C6orf132: variants seen among roughly 807,000 people sequenced by gnomAD.
The protein encoded by C6orf132 is uncharacterized protein C6orf132.
A neutral mutation model predicts 65.3 loss-of-function variants in C6orf132; 43 were observed. The observed-to-expected ratio is 0.66, with a 90% CI of 0.52 to 0.85. The LOEUF (loss-of-function observed/expected upper bound fraction) is 0.85, where lower values mean the gene tolerates loss of function less well. Ranked by LOEUF, C6orf132 falls within the 40% of genes least tolerant of loss-of-function variation. The pLI is 0.00. For missense variants in C6orf132, 1,488 were observed against 1,548.8 expected (o/e 0.96, Z 0.66); for synonymous variants, 631 against 654.1 (o/e 0.96, Z 0.54).
At chr6:42,115,934 C>CTTTTTTTTTTTTTTTTTTTT (rs67542628) in intron 2 of C6orf132, among the ~76,000 whole-genome samples, 12 of 106,382 alleles carry the variant, frequency 1.1e-4, no homozygotes, top group African/African-American at 2.1e-4. Flanking sequence ...TTTTCTTTTT[C>CTTTTTTTTTTTTTTTTTTTT]TTTTTTTTTT....
At position 42,103,405 on chromosome 6, in the gene C6orf132, C is replaced by T; in HGVS notation, c.*356G>A. ...CCCCACCCCTTGCTTTCAGAACCTG[C>T]TCAGTAGGCCGTGCTTGTAAAACTG... On this transcript the variant is annotated 3_prime_UTR_variant, in exon 5 of 5. Transcript: ENST00000341865. 1 of 396,284 alleles carries T rather than the reference C, an allele frequency of 2.5e-6. No individual in the cohort carries two copies. Among genetic ancestry groups the T allele is most frequent in the Non-Finnish European group, 4.4e-6 (1 of 225,176 alleles). 24.5% of individuals were successfully genotyped at this position (396,284 alleles called of 1,614,324 possible). A position where few individuals can be genotyped will look rare whatever the true frequency, so the allele number is the denominator to read the frequency against.
At chr6:42,130,799 T>G (rs953861220) in intron 1 of C6orf132, among the ~76,000 whole-genome samples, 2 of 141,470 alleles carry the variant, frequency 1.4e-5, no homozygotes, top group Non-Finnish European at 3.1e-5. Flanking sequence ...TGAGATGGAG[T>G]CTTTTTTTTT....
chr6:42,134,489 G>A (rs1766907346), intron 1 of C6orf132, among the ~76,000 whole-genome samples: 1 of 152,130 alleles, frequency 6.6e-6, no homozygotes, highest in African/African-American at 2.4e-5. Flanking sequence ...AGATCAGCCT[G>A]GCGGCCGGGC....
intron 1 of C6orf132, among the ~76,000 whole-genome samples, chr6:42,132,705 G>A (rs1383613003): frequency 2.6e-5 from 4 of 150,986 alleles, no homozygotes; most frequent in African/African-American, 7.3e-5. Context: ...AAAATTAGCC[G>A]GATGTGGTGG....
intron 2 of C6orf132, among the ~76,000 whole-genome samples, chr6:42,128,173 C>G (rs1372224504): frequency 4.6e-5 from 7 of 151,588 alleles, no homozygotes; most frequent in African/African-American, 7.3e-5. Context: ...TGATCTGCCC[C>G]CTTGGCCTCC....
chr6:42,127,564 A>T (rs1766786099), intron 2 of C6orf132, among the ~76,000 whole-genome samples: 1 of 152,184 alleles, frequency 6.6e-6, no homozygotes. Flanking sequence ...GGGTGCCATG[A>T]AGTCTAACAG....
intron 1 of C6orf132, among the ~76,000 whole-genome samples, 173 bp from the exon 2 acceptor site, chr6:42,128,951 C>T (rs1471148578): frequency 2.0e-5 from 3 of 152,212 alleles, no homozygotes; most frequent in Non-Finnish European, 4.4e-5. Context: ...GAGATGTGCA[C>T]TAATGGGGCC....
At position 42,104,591 on chromosome 6, in the gene C6orf132, C is replaced by G. The variant is rs907884819; in HGVS notation, c.3321G>C (p.Ala1107=). 47 of 1,330,384 alleles carry G rather than the reference C, an allele frequency of 3.5e-5. No individual in the cohort carries two copies. Among genetic ancestry groups the G allele is most frequent in the Non-Finnish European group, 4.0e-5 (42 of 1,045,712 alleles). The allele number at this position is 1,330,384 out of a possible 1,614,324, so 82.4% of individuals were successfully genotyped here. A position where few individuals can be genotyped will look rare whatever the true frequency, so the allele number is the denominator to read the frequency against. Residue 1107 remains alanine, a synonymous_variant, in exon 4 of 5, where the codon GCG becomes GCC. Coordinates refer to ENST00000341865, the MANE Select transcript of C6orf132 (RefSeq NM_001164446.3). This position sits in a 1 kb window ranked among gnomAD's most constrained non-coding sequence, Gnocchi z 4.1. ...GGPEMRRVNS[A]GRAPPGGLHA... ...GCAGGCCTCCGGGGGGCGCGCGACC[C>G]GCCGAGTTCACGCGCCGCATCTCGG...
chr6:42,116,797 A>G (rs1223812187), intron 2 of C6orf132, among the ~76,000 whole-genome samples: 1 of 152,034 alleles, frequency 6.6e-6, no homozygotes, highest in East Asian at 1.9e-4. Context: ...AGCTGGGGGA[A>G]CCTGACCGAC....
At position 42,107,528 on chromosome 6, in the gene C6orf132, C is replaced by T; in HGVS notation, c.384G>A (p.Leu128=). 6.4e-7 allele frequency: 1 copy of T among 1,550,632 alleles called. No homozygotes were observed. The highest frequency in any genetic ancestry group is 8.7e-7 in the Non-Finnish European group (1 of 1,146,678). The change falls in exon 4 of 5, where the codon CTG becomes CTA. Residue 128 remains leucine, a synonymous_variant. Coordinates refer to ENST00000341865, the MANE Select transcript of C6orf132 (RefSeq NM_001164446.3). ...GATCCTGGCCATATTGTCCAGGCCT[C>T]AGGTCACCCACAGAGCTGTACAGTC... The part of the protein sequence containing the change: ...NLRLYSSVGD[L]RPGQYGQDLL...
chr6:42,138,612 G>A (rs1175020651), intron 1 of C6orf132, among the ~76,000 whole-genome samples: 2 of 152,206 alleles, frequency 1.3e-5, no homozygotes, highest in Admixed American at 1.3e-4. Flanking sequence ...ATAAATGTCT[G>A]AGGTAGCTGT....
At position 42,101,345 on chromosome 6, in the gene C6orf132, G is replaced by GT. The variant is rs1310813127; in HGVS notation, c.*2415dup. 6.6e-6 allele frequency: 1 copy of GT among 152,198 alleles called. No homozygotes were observed. The highest frequency in any genetic ancestry group is 1.9e-4 in the East Asian group (1 of 5,194). The allele number at this position is 152,198 out of a possible 1,614,324, so 9.4% of individuals were successfully genotyped here. A position where few individuals can be genotyped will look rare whatever the true frequency, so the allele number is the denominator to read the frequency against. On this transcript the variant is annotated 3_prime_UTR_variant, in exon 5 of 5. Transcript: ENST00000341865. ...CGCTAGTTATTCTCTCACGTTCCCT[G>GT]TTTTTTCCTTCTTACTACTCCTTGT...
Position 42,102,837 on chromosome 6 carries a change from T to C in C6orf132, c.*924A>G, listed in dbSNP as rs1363152607. On this transcript the variant is annotated 3_prime_UTR_variant, in exon 5 of 5. Coordinates refer to ENST00000341865, the MANE Select transcript of C6orf132 (RefSeq NM_001164446.3). The stretch of plus-strand genomic sequence containing the variant: ...CTAGCATCTTAAGGCATCAAGAGTA[T>C]TGGTGACTTGTAGTATCAGTGTTAG... 4.5e-5 allele frequency: 17 copies of C among 380,156 alleles called. No individual in the cohort carries two copies. The highest frequency in any genetic ancestry group is 2.1e-4 in the African/African-American group (10 of 48,302). 23.5% of individuals were successfully genotyped at this position (380,156 alleles called of 1,614,324 possible). A position where few individuals can be genotyped will look rare whatever the true frequency, so the allele number is the denominator to read the frequency against.
chr6:42,115,128 A>G (rs1035519077), intron 2 of C6orf132, among the ~76,000 whole-genome samples: 2 of 150,794 alleles, frequency 1.3e-5, no homozygotes, highest in Non-Finnish European at 3.0e-5. Flanking sequence ...CATCTGTACT[A>G]AAAATACAAA....
intron 1 of C6orf132, among the ~76,000 whole-genome samples, chr6:42,141,130 CTG>C (rs1472423939): frequency 9.2e-5 from 14 of 152,192 alleles, no homozygotes; most frequent in Non-Finnish European, 1.5e-5. Context: ...ACCCCCTGAT[CTG>C]ATATCTTTGT....
chr6:42,129,816 G>A (rs1182653677), intron 1 of C6orf132, among the ~76,000 whole-genome samples: 3 of 152,252 alleles, frequency 2.0e-5, no homozygotes, highest in Non-Finnish European at 4.4e-5. Flanking sequence ...CCAAAGAGGA[G>A]AGAAGAAAGG....
rs1364132030 is a variant in C6orf132, at chr6:42,124,818, G to C, written c.252+3854C>G. 6.6e-6 allele frequency among the ~76,000 whole-genome samples: 1 copy of C among 152,230 alleles called. No individual in the cohort carries two copies. Among genetic ancestry groups the C allele is most frequent in the Non-Finnish European group, 1.5e-5 (1 of 68,040 alleles). ...CTACAGGAGAGGAGTCAGAAGCTCA[G>C]ACAGGAGAGAATTAAGCCGCCAGCC... On this transcript the variant is annotated intron_variant, in intron 2 of 4. Transcript: ENST00000341865. This position sits in a 1 kb window ranked among gnomAD's most constrained non-coding sequence, Gnocchi z 4.0.
intron 1 of C6orf132, among the ~76,000 whole-genome samples, chr6:42,134,901 T>C (rs1176807309): frequency 6.6e-6 from 1 of 152,126 alleles, no homozygotes; most frequent in Non-Finnish European, 1.5e-5. Flanking sequence ...CTCGGGAGGC[T>C]GAGGCAGGAG....
chr6:42,114,562 C>T (rs1320862482), intron 2 of C6orf132, among the ~76,000 whole-genome samples: 3 of 152,240 alleles, frequency 2.0e-5, no homozygotes, highest in South Asian at 2.1e-4. Flanking sequence ...GCTTCCCACC[C>T]AGGCAGCTGG....
Sources: allele counts gnomAD v4.1 joint callset (sites outside exome capture counted in the v4.1 genomes callset), GRCh38; gene constraint gnomAD v4.1.1; non-coding constraint Gnocchi (gnomAD v3.1); transcripts MANE v1.5; gene names NCBI Gene and HGNC (gene_info 2026-07-23, HGNC 2026-07-21).